Variants in COL4A5 observed in about 807,000 individuals in gnomAD.
COL4A5 encodes the protein collagen type IV alpha 5 chain, also known as collagen alpha-5(IV) chain.
In COL4A5, 26 loss-of-function variants were observed where a neutral mutation model predicts 130.2. The observed-to-expected ratio is 0.20, with a 90% CI of 0.15 to 0.28. The LOEUF is 0.28. COL4A5 is among the 10% of genes least tolerant of loss of function. COL4A5 has a pLI of 1.00. For missense variants in COL4A5, 1,131 were observed against 1,344.3 expected, an observed-to-expected ratio of 0.84 and a Z score of 2.48; for synonymous variants, 496 against 439.6, an observed-to-expected ratio of 1.13 and a Z score of -1.60.
intron 1 of COL4A5, among the ~76,000 whole-genome samples, chrX:108,486,314 G>A (rs2064944525): frequency 9.0e-6 from 1 of 111,389 alleles, no homozygotes; most frequent in South Asian, 3.8e-4. Flanking sequence ...TATGAAGATG[G>A]TTTTTTGTGT....
chrX:108,475,111 T>C (rs749391482), intron 1 of COL4A5, among the ~76,000 whole-genome samples: 1 of 111,805 alleles, frequency 8.9e-6, no homozygotes, highest in African/African-American at 3.2e-5. Flanking sequence ...AATTTTATTA[T>C]TGTTTTTTGT....
At chrX:108,480,869 G>A (rs1049182634) in intron 1 of COL4A5, among the ~76,000 whole-genome samples, 5 of 112,249 alleles carry the variant, frequency 4.5e-5, no homozygotes, top group African/African-American at 1.6e-4. Flanking sequence ...CTTGATCTTG[G>A]CACTAATCTC....
intron 1 of COL4A5, among the ~76,000 whole-genome samples, chrX:108,526,673 C>T (rs909299102): frequency 2.3e-4 from 4 of 17,269 alleles, no homozygotes; most frequent in Non-Finnish European, 3.8e-4. Context: ...CTTTCTTTCT[C>T]TTTCTTTCTT....
Position 108,466,579 on chromosome X carries a change from T to C in COL4A5, c.81+26373T>C, listed in dbSNP as rs188722288. Among the ~76,000 whole-genome samples the C allele has an allele frequency of 6.3e-5, 7 of 111,707 alleles. No homozygotes were observed. In the Admixed American group the frequency reaches 6.7e-4, roughly 11 times the overall value. On this transcript the variant is annotated intron_variant, in intron 1 of 52. Coordinates refer to ENST00000328300, the MANE Select transcript of COL4A5 (RefSeq NM_033380.3). ...TTTGTATATCTTCTTTGGAGAAATA[T>C]CTATTCAAGTCCTTTGACCATCAGT...
chrX:108,550,764 A>G (rs765304850), intron 2 of COL4A5, among the ~76,000 whole-genome samples: 2 of 112,096 alleles, frequency 1.8e-5, no homozygotes, highest in East Asian at 5.6e-4. Context: ...TGATTTTTCA[A>G]TGTAGAAAAT....
chrX:108,540,956 G>C (rs2065530836), intron 2 of COL4A5, among the ~76,000 whole-genome samples: 1 of 112,007 alleles, frequency 8.9e-6, no homozygotes, highest in South Asian at 3.7e-4. Context: ...ACTCTTTGGG[G>C]CTCAGTATTT....
At position 108,559,958 on chromosome X, in the gene COL4A5, A is replaced by G. The variant is rs1010791338; in HGVS notation, c.231+805A>G. 3.2e-4 allele frequency among the ~76,000 whole-genome samples: 35 copies of G among 111,037 alleles called. 2 individuals carry two copies. Among genetic ancestry groups the G allele is most frequent in the Non-Finnish European group, 1.9e-5 (1 of 52,931 alleles). On this transcript the variant is annotated intron_variant, in intron 3 of 52. Coordinates refer to ENST00000328300, the MANE Select transcript of COL4A5 (RefSeq NM_033380.3). ...GGCCTACCAAGAGGACTTTGGTTGG[A>G]CCCGAACAGTCATAGGTGTTTAGAC...
chrX:108,591,445 A>G, intron 20 of COL4A5, 116 bp from the exon 21 acceptor site: 1 of 684,306 alleles, frequency 1.5e-6, no homozygotes, highest in Non-Finnish European at 2.3e-6. Context: ...CCTTTTGCTT[A>G]TAGGTACTTT....
intron 2 of COL4A5, among the ~76,000 whole-genome samples, chrX:108,555,549 A>T (rs2065813088): frequency 8.9e-6 from 1 of 112,087 alleles, no homozygotes; most frequent in African/African-American, 3.2e-5. Context: ...TTTTTACAAT[A>T]TTATAATCTG....
chrX:108,639,870 T>TA (rs970021066), intron 36 of COL4A5, among the ~76,000 whole-genome samples: 2 of 112,109 alleles, frequency 1.8e-5, no homozygotes, highest in Non-Finnish European at 3.8e-5. Flanking sequence ...GGCTATTATA[T>TA]AAAAAACAGT....
chrX:108,510,912 T>C (rs1014418344), intron 1 of COL4A5, among the ~76,000 whole-genome samples: 1 of 111,788 alleles, frequency 8.9e-6, no homozygotes, highest in Non-Finnish European at 1.9e-5. Context: ...TCAAAACATA[T>C]TATGTGTAGT....
At position 108,652,634 on chromosome X, in the gene COL4A5, A is replaced by G. The variant is rs749475440; in HGVS notation, c.3247-2697A>G. On this transcript the variant is annotated intron_variant, in intron 36 of 52. Transcript: ENST00000328300. ...AAGTTTATTCTGAATTTTGGGTTAT[A>G]GTATGGAATGGAGGAGAAGATGCTA... Among the ~76,000 whole-genome samples, 4 of 112,424 alleles carry G rather than the reference A, an allele frequency of 3.6e-5. No homozygotes were observed. In the East Asian group the frequency reaches 1.1e-3, roughly 31 times the overall value.
At position 108,575,738 on chromosome X, in the gene COL4A5, G is replaced by C. The variant is rs188331809; in HGVS notation, c.547-172G>C. On this transcript the variant is annotated intron_variant, in intron 9 of 52. Coordinates refer to ENST00000328300, the MANE Select transcript of COL4A5 (RefSeq NM_033380.3). ...TGTAATCTCAGCTACTCAGGAGGCT[G>C]AGGCAGGAGAATTGCTTGAACCCAG... Among the ~76,000 whole-genome samples, 9 of 112,166 alleles carry C rather than the reference G, an allele frequency of 8.0e-5. No homozygotes were observed. In the East Asian group the frequency reaches 2.5e-3, roughly 31 times the overall value.
At chrX:108,481,223 G>A (rs2064886850) in intron 1 of COL4A5, among the ~76,000 whole-genome samples, 1 of 110,820 alleles carries the variant, frequency 9.0e-6, no homozygotes, top group Admixed American at 9.6e-5. Context: ...CTCAGAGCCA[G>A]TGTCCAGTAG....
In COL4A5 at chrX:108,454,697, A is replaced by G. The variant is rs374458165; in HGVS notation, c.81+14491A>G. On this transcript the variant is annotated intron_variant, in intron 1 of 52. Coordinates refer to ENST00000328300, the MANE Select transcript of COL4A5 (RefSeq NM_033380.3). ...AAGGTGGATGCTGCTCTGTCTGCCAACATACCCATGAGGTCCCTTTGGACT... is the reference window on the plus strand; with the variant it reads ...AAGGTGGATGCTGCTCTGTCTGCCAGCATACCCATGAGGTCCCTTTGGACT... Among the ~76,000 whole-genome samples, 53 of 111,880 alleles carry G rather than the reference A, an allele frequency of 4.7e-4. 2 individuals are homozygous for G. Among genetic ancestry groups the G allele is most frequent in the Admixed American group, 2.8e-3 (29 of 10,524 alleles).
chrX:108,581,780 G>T (rs1167059379), intron 16 of COL4A5, among the ~76,000 whole-genome samples: 1 of 109,975 alleles, frequency 9.1e-6, no homozygotes, highest in Non-Finnish European at 1.9e-5. Flanking sequence ...CACATTGAAG[G>T]ATATTTTGGT....
At chrX:108,537,144 A>G (rs183101565) in intron 1 of COL4A5, among the ~76,000 whole-genome samples, 334 of 111,081 alleles carry the variant, frequency 3.0e-3, no homozygotes, top group African/African-American at 0.01. Context: ...AAAAAAACAA[A>G]TTGTTCCATT....
At chrX:108,507,133 T>G (rs966107059) in intron 1 of COL4A5, among the ~76,000 whole-genome samples, 2 of 107,848 alleles carry the variant, frequency 1.9e-5, no homozygotes, top group Non-Finnish European at 3.8e-5. Flanking sequence ...GGGATGACAC[T>G]GTTCCTACTG....
At chrX:108,539,705 T>C in intron 1 of COL4A5, 41 bp from the exon 2 acceptor site, 1 of 1,120,453 alleles carries the variant, frequency 8.9e-7, no homozygotes, top group Non-Finnish European at 1.2e-6. Flanking sequence ...GATTTTTGGG[T>C]TCATATTTAA....
Sources: allele counts gnomAD v4.1 joint callset (sites outside exome capture counted in the v4.1 genomes callset), GRCh38; gene constraint gnomAD v4.1.1; transcripts MANE v1.5; gene names NCBI Gene and HGNC (gene_info 2026-07-23, HGNC 2026-07-21).